Variants in DAB1 observed in about 807,000 individuals in gnomAD.
DAB1 encodes the protein disabled homolog 1.
DAB1 carries 15 observed loss-of-function variants against 64.6 expected under a neutral mutation model. The observed-to-expected ratio is 0.23, with a 90% CI of 0.16 to 0.36. The LOEUF is 0.36. Among genes scored for constraint, DAB1 ranks in the 10% least tolerant of loss-of-function variants. The pLI, the probability that DAB1 is intolerant of heterozygous loss-of-function variation, is 1.00. For missense variants in DAB1, 596 were observed against 706.7 expected (o/e 0.84, Z 1.78); for synonymous variants, 235 against 251.9 (o/e 0.93, Z 0.64).
At chr1:57,821,719 T>C (rs993322196), downstream of DAB1, among the ~76,000 whole-genome samples, 2 of 152,158 alleles carry the variant, frequency 1.3e-5, no homozygotes, top group African/African-American at 4.8e-5. Flanking sequence ...TGAGGCTACT[T>C]TGCACCAAGA....
intron 7 of DAB1, among the ~76,000 whole-genome samples, chr1:57,633,159 T>C (rs192857764): frequency 6.6e-6 from 1 of 152,330 alleles, no homozygotes; most frequent in East Asian, 1.9e-4. Flanking sequence ...TGTGGCTTGA[T>C]GGAAGAGCAA....
intron 1 of DAB1, among the ~76,000 whole-genome samples, chr1:57,405,540 T>G (rs138597090): frequency 1.4e-3 from 208 of 152,364 alleles, no homozygotes; most frequent in African/African-American, 4.7e-3. Context: ...CAAAATATTT[T>G]TTGTTTTACC....
At position 57,472,645 on chromosome 1, in the gene DAB1, G is replaced by A. The variant is rs1304685042; in HGVS notation, n.625+176947C>T. ...ACCCGCTGCTTGCTCAATCGATCAC[G>A]ACCCTCTCACGCGCACCCCCTTAGA... On this transcript the variant is annotated intron_variant and non_coding_transcript_variant, in intron 7 of 20. Transcript: ENST00000485760. Among the ~76,000 whole-genome samples, 4 of 152,130 alleles carry A rather than the reference G, an allele frequency of 2.6e-5. No individual in the cohort carries two copies. The South Asian group carries it at 8.3e-4, about 32-fold the overall frequency.
intron 2 of DAB1, among the ~76,000 whole-genome samples, chr1:57,245,803 G>T (rs1668828074): frequency 6.6e-6 from 1 of 152,196 alleles, no homozygotes; most frequent in African/African-American, 2.4e-5. Context: ...ACCCAGTAAT[G>T]GGATCGCTGG....
At chr1:58,333,546 G>A (rs1354735783) in intron 4 of DAB1, among the ~76,000 whole-genome samples, 1 of 152,228 alleles carries the variant, frequency 6.6e-6, no homozygotes, top group Non-Finnish European at 1.5e-5. Flanking sequence ...GGGTGCACAC[G>A]CACACTTTTA....
At chr1:58,102,557 T>C (rs945637710) in intron 5 of DAB1, among the ~76,000 whole-genome samples, 27 of 152,212 alleles carry the variant, frequency 1.8e-4, no homozygotes, top group African/African-American at 3.9e-4. Flanking sequence ...TCTTAGATGA[T>C]AGCATTCCTT....
chr1:57,059,664 C>G (rs1358263543), intron 9 of DAB1, among the ~76,000 whole-genome samples: 2 of 151,944 alleles, frequency 1.3e-5, no homozygotes, highest in African/African-American at 4.8e-5. Context: ...TCGGTATTAC[C>G]TCCGAGAGGC....
At chr1:58,002,560 G>A (rs1018481111) in intron 5 of DAB1, among the ~76,000 whole-genome samples, 4 of 152,094 alleles carry the variant, frequency 2.6e-5, no homozygotes, top group Non-Finnish European at 5.9e-5. Flanking sequence ...GTGAGGTTCT[G>A]TACATTGATC....
chr1:57,279,023 T>G (rs774340129), intron 2 of DAB1, among the ~76,000 whole-genome samples: 3 of 152,212 alleles, frequency 2.0e-5, no homozygotes, highest in Non-Finnish European at 2.9e-5. Flanking sequence ...TATTTCAGGT[T>G]TGGGGATGCC....
intron 1 of DAB1, among the ~76,000 whole-genome samples, chr1:57,392,683 G>C (rs765243538): frequency 8.5e-5 from 13 of 152,208 alleles, no homozygotes; most frequent in Non-Finnish European, 1.6e-4. Flanking sequence ...ATCCAGGTGA[G>C]GAGGGTAGAG....
At chr1:58,176,702 G>T (rs546182733) in intron 4 of DAB1, among the ~76,000 whole-genome samples, 1 of 152,098 alleles carries the variant, frequency 6.6e-6, no homozygotes, top group Admixed American at 6.6e-5. Context: ...ACCTCCAGCC[G>T]GGCGCGGTGG....
intron 1 of DAB1, among the ~76,000 whole-genome samples, chr1:57,874,816 T>G (rs902405870): frequency 6.6e-6 from 1 of 152,046 alleles, no homozygotes; most frequent in Admixed American, 6.5e-5. Flanking sequence ...AGACAGTAAC[T>G]AAGAATGTGG....
chr1:57,819,304 A>C (rs1289080975), intron 6 of DAB1, among the ~76,000 whole-genome samples: 2 of 152,252 alleles, frequency 1.3e-5, no homozygotes, highest in African/African-American at 4.8e-5. Context: ...AGGGGTAGAA[A>C]CATCCAGACC....
intron 7 of DAB1, among the ~76,000 whole-genome samples, chr1:57,472,224 T>C (rs987781095): frequency 1.8e-4 from 28 of 152,222 alleles, no homozygotes; most frequent in African/African-American, 6.8e-4. Context: ...GCTTGTGCCG[T>C]TTTAGAACAG....
At chr1:58,115,025 G>C (rs1263160589) in intron 5 of DAB1, among the ~76,000 whole-genome samples, 1 of 150,982 alleles carries the variant, frequency 6.6e-6, no homozygotes, top group Non-Finnish European at 1.5e-5. Context: ...CACAGCAAAA[G>C]AAACTACCAT....
intron 5 of DAB1, among the ~76,000 whole-genome samples, chr1:58,137,442 CCATT>C (rs1475331917): frequency 6.6e-6 from 1 of 152,132 alleles, no homozygotes; most frequent in African/African-American, 2.4e-5. Flanking sequence ...CACCATCCAT[CCATT>C]CATCTATCCA....
intron 6 of DAB1, among the ~76,000 whole-genome samples, chr1:57,791,220 G>A (rs1487425976): frequency 1.3e-5 from 2 of 152,160 alleles, no homozygotes; most frequent in African/African-American, 4.8e-5. Context: ...GGATCCACCA[G>A]TTTTGAATTC....
chr1:57,756,039 A>G (rs1379261752), intron 6 of DAB1, among the ~76,000 whole-genome samples: 2 of 119,508 alleles, frequency 1.7e-5, no homozygotes, highest in East Asian at 3.1e-4. Context: ...TTACTCTGCA[A>G]CTGGCAACTA....
At chr1:57,840,955 G>A (rs1214507413) in intron 1 of DAB1, among the ~76,000 whole-genome samples, 1 of 152,138 alleles carries the variant, frequency 6.6e-6, no homozygotes, top group Admixed American at 6.5e-5. Context: ...ACTCATTCCA[G>A]CATTAACTCA....
Sources: allele counts gnomAD v4.1 joint callset (sites outside exome capture counted in the v4.1 genomes callset), GRCh38; gene constraint gnomAD v4.1.1; transcripts MANE v1.5; gene names NCBI Gene and HGNC (gene_info 2026-07-23, HGNC 2026-07-21).